Variants in LTF observed in about 807,000 individuals in gnomAD.
LTF encodes the protein lactotransferrin, also known as epididymis luminal protein 110.
In LTF, 91 loss-of-function variants were observed where a neutral mutation model predicts 87.2. The observed-to-expected ratio is 1.04, with a 90% CI of 0.88 to 1.24. LTF has a LOEUF of 1.24. Ranked by LOEUF, LTF falls within the 50% of genes most tolerant of loss-of-function variation. The probability of loss-of-function intolerance (pLI) is 0.00; values close to 1 mark genes in which losing one functional copy is unlikely to be tolerated. For missense variants in LTF, 901 were observed against 904.3 expected, an observed-to-expected ratio of 1.00 and a Z score of 0.05; for synonymous variants, 378 against 356.1, an observed-to-expected ratio of 1.06 and a Z score of -0.69.
intron 6 of LTF, among the ~76,000 whole-genome samples, chr3:46,451,652 T>C (rs2106868993): frequency 6.6e-6 from 1 of 152,316 alleles, no homozygotes; most frequent in South Asian, 2.1e-4. Context: ...TGGAATGCAG[T>C]GGTGCGATCT....
intron 2 of LTF, among the ~76,000 whole-genome samples, chr3:46,459,255 T>G (rs1575320681): frequency 6.6e-6 from 1 of 152,380 alleles, no homozygotes; most frequent in East Asian, 1.9e-4. Context: ...AGCCATGTGA[T>G]GTGGCAACGG....
At chr3:46,467,624 TTTTTC>T (rs1263112835), upstream of LTF, among the ~76,000 whole-genome samples, 3 of 150,760 alleles carry the variant, frequency 2.0e-5, no homozygotes, top group African/African-American at 7.3e-5. Flanking sequence ...AGGAATTCTT[TTTTTC>T]TTTTCTTTTC....
chr3:46,458,611 G>A (rs1280105900), intron 2 of LTF, among the ~76,000 whole-genome samples: 2 of 152,186 alleles, frequency 1.3e-5, no homozygotes, highest in Non-Finnish European at 2.9e-5. Flanking sequence ...TCTCGCTCTT[G>A]TCGCCCAGGC....
rs796833333 is a variant in LTF at position 46,482,794 on chromosome 3, A to G, written c.-320+2192T>C. ...GAAAGAAAGAAAAAGAAAGAAAGAA[A>G]GAAGGAAGGAAAGAAAGAAAGAAAG... On this transcript the variant is annotated intron_variant, in intron 1 of 19. Transcript: ENST00000443496. Among the ~76,000 whole-genome samples the G allele has an allele frequency of 1.1e-3, 130 of 118,676 alleles. 2 individuals carry two copies. Among genetic ancestry groups the G allele is most frequent in the Middle Eastern group, 4.1e-3 (1 of 246 alleles). 77.9% of individuals were successfully genotyped at this position (118,676 alleles called of 152,430 possible).
chr3:46,483,509 G>A (rs533768060), intron 1 of LTF, among the ~76,000 whole-genome samples: 1 of 152,162 alleles, frequency 6.6e-6, no homozygotes, highest in Admixed American at 6.5e-5. Flanking sequence ...AGCATAAGAG[G>A]TTGGACACAA....
intron 10 of LTF, among the ~76,000 whole-genome samples, chr3:46,446,895 G>A (rs766134289): frequency 2.0e-5 from 3 of 152,164 alleles, no homozygotes; most frequent in Non-Finnish European, 2.9e-5. Context: ...TTAGATCTGC[G>A]ACCTTAGAAG....
chr3:46,455,222 C>G, intron 5 of LTF, 73 bp downstream of exon 5: 1 of 1,587,332 alleles, frequency 6.3e-7, no homozygotes, highest in South Asian at 1.1e-5. Flanking sequence ...CTATGTGGGG[C>G]CAGAGAAAAG....
intron 3 of LTF, 76 bp downstream of exon 3, chr3:46,456,214 C>T (rs766224603): frequency 1.2e-5 from 15 of 1,261,696 alleles, no homozygotes; most frequent in Non-Finnish European, 1.6e-5. Flanking sequence ...TCCACATGTT[C>T]CCCCAGTCTT....
Position 46,454,938 on chromosome 3 carries a change from A to G in LTF, c.647+357T>C, listed in dbSNP as rs577093688. ...AGGAGCCAGGACTGGACATCTCATG[A>G]CAAGATGCCTTCAGTCCTGCTGTGG... On this transcript the variant is annotated intron_variant, in intron 5 of 16. Transcript: ENST00000231751. Among the ~76,000 whole-genome samples the G allele has an allele frequency of 1.1e-4, 16 of 152,342 alleles. No homozygotes were observed. The South Asian group carries it at 3.3e-3, about 32-fold the overall frequency.
intron 10 of LTF, 61 bp from the exon 11 acceptor site, chr3:46,446,554 A>G (rs1702660008): frequency 7.1e-7 from 1 of 1,414,250 alleles, no homozygotes; most frequent in South Asian, 1.2e-5. Context: ...GAAGCCACAA[A>G]CTCTTAAATC....
At chr3:46,482,811 G>A (rs999777020) in intron 1 of LTF, among the ~76,000 whole-genome samples, 1 of 147,432 alleles carries the variant, frequency 6.8e-6, no homozygotes, top group Non-Finnish European at 1.5e-5. Flanking sequence ...AGGAAAGAAA[G>A]AAAGAAAGAA....
Position 46,454,163 on chromosome 3 carries a change from A to G in LTF, c.703+142T>C, listed in dbSNP as rs1016848584. The stretch of plus-strand genomic sequence containing the variant: ...AAACTGATCATTTAAAATATGAAAG[A>G]TCATAAAATCAGAGCTGTGCCCTGT... On this transcript the variant is annotated intron_variant, in intron 6 of 16. Coordinates refer to ENST00000231751, the MANE Select transcript of LTF (RefSeq NM_002343.6). 2.6e-5 allele frequency: 20 copies of G among 757,762 alleles called. No homozygotes were observed. The African/African-American group carries it at 3.0e-4, about 11-fold the overall frequency. The allele number at this position is 757,762 out of a possible 1,614,324, so 46.9% of individuals were successfully genotyped here.
chr3:46,461,428 T>C (rs1404848469), intron 1 of LTF, among the ~76,000 whole-genome samples: 1 of 152,244 alleles, frequency 6.6e-6, no homozygotes, highest in Non-Finnish European at 1.5e-5. Context: ...CTGGTGAATG[T>C]ACATCCATTC....
At chr3:46,468,404 A>G, upstream of LTF, 1 of 444,576 alleles carries the variant, frequency 2.2e-6, no homozygotes, top group Non-Finnish European at 4.5e-6. Context: ...TGCTGTGGAA[A>G]CTGCCATGCA....
chr3:46,463,331 C>T, intron 1 of LTF: 2 of 387,206 alleles, frequency 5.2e-6, no homozygotes, highest in Non-Finnish European at 7.1e-6. Flanking sequence ...AAGCAGACTG[C>T]TCAGACTGAT....
At chr3:46,445,556 T>A in intron 11 of LTF, 120 bp from the exon 12 acceptor site, 1 of 793,100 alleles carries the variant, frequency 1.3e-6, no homozygotes, top group South Asian at 1.8e-5. Flanking sequence ...CAGGCAATGA[T>A]TCCCTCAAAG....
At position 46,459,673 on chromosome 3, in the gene LTF, A is replaced by G. The variant is rs1471116551; in HGVS notation, c.190T>C (p.Cys64Arg). The change falls in exon 2 of 17, where the codon TGT becomes CGT. Residue 64 changes from cysteine to arginine, a missense_variant. Cys to Arg is a radical substitution (Grantham distance 180). Coordinates refer to ENST00000231751, the MANE Select transcript of LTF (RefSeq NM_002343.6). The stretch of plus-strand genomic sequence containing the variant: ...TGACTCACCGCAATGGCCTGGATAC[A>G]CTGGATGGGGGAGTCTCTCTTTATG... ...SCIKRDSPIQCIQAIAENRAD... is the reference protein window; with the variant it reads ...SCIKRDSPIQRIQAIAENRAD... 2.0e-6 allele frequency: 3 copies of G among 1,531,356 alleles called. No homozygotes were observed. Among genetic ancestry groups the G allele is most frequent in the Admixed American group, 2.1e-5 (1 of 48,258 alleles). 94.9% of individuals were successfully genotyped at this position (1,531,356 alleles called of 1,614,324 possible). A position where few individuals can be genotyped will look rare whatever the true frequency, so the allele number is the denominator to read the frequency against.
At chr3:46,475,566 A>C (rs866738966) in intron 1 of LTF, among the ~76,000 whole-genome samples, 6 of 116,116 alleles carry the variant, frequency 5.2e-5, no homozygotes, top group Non-Finnish European at 1.1e-4. Context: ...ACACACACAC[A>C]CCCTCTCTTC....
Position 46,459,643 on chromosome 3 carries a change from G to T in LTF, c.207+13C>A. On this transcript the variant is annotated intron_variant, in intron 2 of 16. Coordinates refer to ENST00000231751, the MANE Select transcript of LTF (RefSeq NM_002343.6). The stretch of plus-strand genomic sequence containing the variant: ...TTCAGCTTGGTCCCAACCAACACCC[G>T]GCATTGACTCACCGCAATGGCCTGG... The T allele has an allele frequency of 7.0e-7, 1 of 1,428,432 alleles. No individual in the cohort carries two copies. Among genetic ancestry groups the T allele is most frequent in the South Asian group, 1.7e-5 (1 of 60,540 alleles). The allele number at this position is 1,428,432 out of a possible 1,614,324, so 88.5% of individuals were successfully genotyped here. A position where few individuals can be genotyped will look rare whatever the true frequency, so the allele number is the denominator to read the frequency against.
Sources: allele counts gnomAD v4.1 joint callset (sites outside exome capture counted in the v4.1 genomes callset), GRCh38; gene constraint gnomAD v4.1.1; transcripts MANE v1.5; gene names NCBI Gene and HGNC (gene_info 2026-07-23, HGNC 2026-07-21).